POLA1: variants seen among roughly 807,000 people sequenced by gnomAD.
POLA1 encodes DNA polymerase alpha catalytic subunit.
A neutral mutation model predicts 124.0 loss-of-function variants in POLA1; 15 were observed. The ratio of observed to expected loss-of-function variants is 0.12; its 90% CI spans 0.08 to 0.19. POLA1 has a LOEUF of 0.19. Among genes scored for constraint, POLA1 ranks in the 10% least tolerant of loss-of-function variants. The probability of loss-of-function intolerance (pLI) is 1.00; values close to 1 mark genes in which losing one functional copy is unlikely to be tolerated. For synonymous variants in POLA1, 408 were observed against 389.4 expected, an observed-to-expected ratio of 1.05 and a Z score of -0.56; for missense variants, 886 against 1,103.4, an observed-to-expected ratio of 0.80 and a Z score of 2.79.
chrX:24,859,930 GAAATT>G (rs2046695327), intron 34 of POLA1, among the ~76,000 whole-genome samples: 1 of 112,678 alleles, frequency 8.9e-6, no homozygotes, highest in Admixed American at 9.3e-5. Context: ...GAATCTCTAA[GAAATT>G]AAACTTAGTC....
intron 35 of POLA1, among the ~76,000 whole-genome samples, chrX:24,906,685 T>C (rs1405619677): frequency 2.7e-5 from 3 of 111,388 alleles, no homozygotes; most frequent in African/African-American, 9.8e-5. Context: ...ATAATTTTTT[T>C]TTAACTCACA....
chrX:24,901,536 A>G (rs1041780686), intron 35 of POLA1, among the ~76,000 whole-genome samples: 3 of 111,643 alleles, frequency 2.7e-5, no homozygotes, highest in Non-Finnish European at 5.6e-5. Flanking sequence ...GCTTTAGTAT[A>G]TATGCTAGGG....
At chrX:24,890,422 A>T (rs2147143176) in intron 35 of POLA1, among the ~76,000 whole-genome samples, 1 of 111,281 alleles carries the variant, frequency 9.0e-6, no homozygotes, top group South Asian at 3.8e-4. Flanking sequence ...ATTTAACTAT[A>T]CCTTTCATTG....
At chrX:24,925,803 G>A (rs1009751446) in intron 35 of POLA1, among the ~76,000 whole-genome samples, 1 of 111,570 alleles carries the variant, frequency 9.0e-6, no homozygotes, top group Non-Finnish European at 1.9e-5. Flanking sequence ...CCAGGCTGGA[G>A]TGCAGTGGCA....
intron 34 of POLA1, among the ~76,000 whole-genome samples, chrX:24,887,735 A>G (rs943255350): frequency 9.1e-6 from 1 of 109,425 alleles, no homozygotes; most frequent in Non-Finnish European, 1.9e-5. Flanking sequence ...GTTTTGATGT[A>G]TTGGAGTGAG....
rs1282058905 is a variant in POLA1, at chrX:24,768,962, T to C, written c.2964+19970T>C. Among the ~76,000 whole-genome samples, 3 of 112,239 alleles carry C rather than the reference T, an allele frequency of 2.7e-5. No individual in the cohort carries two copies. In the Admixed American group the frequency reaches 2.8e-4, roughly 11 times the overall value. On this transcript the variant is annotated intron_variant, in intron 26 of 36. Transcript: ENST00000379068. The stretch of plus-strand genomic sequence containing the variant: ...TCTTTGGCCTCTTGTGTGTCCCTTT[T>C]ATGTGCTGAAGCCACCAAGTCATGC...
At chrX:24,801,633 G>A (rs1262792637) in intron 26 of POLA1, among the ~76,000 whole-genome samples, 7 of 111,021 alleles carry the variant, frequency 6.3e-5, no homozygotes, top group Admixed American at 2.9e-4. Context: ...AGTTCCTTGT[G>A]AAATAAGTAG....
intron 34 of POLA1, among the ~76,000 whole-genome samples, chrX:24,869,424 A>G (rs1162307383): frequency 8.9e-6 from 1 of 111,932 alleles, no homozygotes; most frequent in Non-Finnish European, 1.9e-5. Context: ...AGGTGAGAAG[A>G]GATCTTTGAG....
At chrX:24,768,068 C>T (rs752071315) in intron 26 of POLA1, among the ~76,000 whole-genome samples, 4 of 112,395 alleles carry the variant, frequency 3.6e-5, no homozygotes, top group Non-Finnish European at 7.5e-5. Flanking sequence ...TTTGCCTGTG[C>T]AACAGGCATT....
chrX:24,801,286 G>A (rs2045700521), intron 26 of POLA1, among the ~76,000 whole-genome samples: 1 of 112,237 alleles, frequency 8.9e-6, no homozygotes, highest in Admixed American at 9.4e-5. Context: ...GCTGCTTTTT[G>A]TAACCAACTT....
At position 24,977,284 on chromosome X, in the gene POLA1, C is replaced by G. The variant is rs899297401; in HGVS notation, c.4262-18521C>G. On this transcript the variant is annotated intron_variant, in intron 36 of 36. Transcript: ENST00000379068. Reference sequence around the variant, plus strand: ...TGTCTTAAAATGTCCTTAATTCACCCTCATACTTAATTGATAGTTAGATAC... The same window carrying G: ...TGTCTTAAAATGTCCTTAATTCACCGTCATACTTAATTGATAGTTAGATAC... 2.7e-5 allele frequency among the ~76,000 whole-genome samples: 3 copies of G among 112,314 alleles called. No homozygotes were observed. The East Asian group carries it at 8.3e-4, about 31-fold the overall frequency.
At chrX:24,728,031 G>A in intron 15 of POLA1, 95 bp downstream of exon 15, 1 of 650,460 alleles carries the variant, frequency 1.5e-6, no homozygotes, top group Non-Finnish European at 2.3e-6. Flanking sequence ...TGTTCTTTTT[G>A]GAGGGGAAAG....
intron 34 of POLA1, among the ~76,000 whole-genome samples, chrX:24,861,108 T>TTGTTGTATTTTTTTATTTTTGTTTTG (rs1263170119): frequency 8.9e-6 from 1 of 112,064 alleles, no homozygotes; most frequent in Non-Finnish European, 1.9e-5. Context: ...AGATACTCAG[T>TTGTTGTATTTTTTTATTTTTGTTTTG]TGTTGTATTT....
chrX:24,819,850 C>T (rs771844676), intron 30 of POLA1, among the ~76,000 whole-genome samples: 6 of 110,866 alleles, frequency 5.4e-5, no homozygotes, highest in Non-Finnish European at 3.8e-5. Context: ...TGTTCCCCTC[C>T]CTGTGTCCAT....
In POLA1 at chrX:24,714,612, A is replaced by G. The variant is rs1314569844; in HGVS notation, c.405A>G (p.Thr135=). The G allele has an allele frequency of 8.3e-7, 1 of 1,201,623 alleles. No homozygotes were observed. The highest frequency in any genetic ancestry group is 2.2e-5 in the Admixed American group (1 of 45,726). ...GGAATGTAAAGAAGCTCGCAGTGACAAAACCGAACAACATTAAGTCAATGT... is the reference window on the plus strand; with the variant it reads ...GGAATGTAAAGAAGCTCGCAGTGACGAAACCGAACAACATTAAGTCAATGT... ...DKRNVKKLAV[T]KPNNIKSMFI... is the part of the protein sequence containing the mutation. The change falls in exon 5 of 37, where the codon ACA becomes ACG. Residue 135 remains threonine (T), a synonymous_variant. Coordinates refer to ENST00000379068, the MANE Select transcript of POLA1 (RefSeq NM_001330360.2).
intron 26 of POLA1, among the ~76,000 whole-genome samples, chrX:24,769,514 C>G (rs2044981380): frequency 9.0e-6 from 1 of 111,403 alleles, no homozygotes; most frequent in African/African-American, 3.3e-5. Context: ...TGGTCATCTT[C>G]CATTTGGTCT....
In POLA1 at chrX:24,724,495, T is replaced by C. The variant is rs201745936; in HGVS notation, c.1317+44T>C. The C allele has an allele frequency of 1.9e-5, 12 of 625,155 alleles. No homozygotes were observed. In the East Asian group the frequency reaches 4.1e-4, roughly 21 times the overall value. 51.5% of individuals were successfully genotyped at this position (625,155 alleles called of 1,213,427 possible). A position where few individuals can be genotyped will look rare whatever the true frequency, so the allele number is the denominator to read the frequency against. ...TTTTTTTCCAGCTCTGTTTGTTGTTTATTTTCTGATTTAGCAAATAGTTAT... is the reference window on the plus strand; with the variant it reads ...TTTTTTTCCAGCTCTGTTTGTTGTTCATTTTCTGATTTAGCAAATAGTTAT... On this transcript the variant is annotated intron_variant, in intron 12 of 36. Transcript: ENST00000379068.
At chrX:24,920,187 A>C (rs1475992658) in intron 35 of POLA1, among the ~76,000 whole-genome samples, 1 of 110,941 alleles carries the variant, frequency 9.0e-6, no homozygotes, top group Non-Finnish European at 1.9e-5. Flanking sequence ...TTTTTAATCA[A>C]AGGTGCAATT....
intron 36 of POLA1, among the ~76,000 whole-genome samples, chrX:24,967,223 T>G (rs2048233381): frequency 2.0e-3 from 1 of 490 alleles, no homozygotes; most frequent in African/African-American, 0.011. Context: ...TTTTAACTGT[T>G]TTTTTTTTTT....
Sources: gnomAD v4.1 joint callset for allele counts (sites outside exome capture counted in the v4.1 genomes callset) on GRCh38, gnomAD v4.1.1 for gene constraint, MANE v1.5 for transcripts, NCBI Gene and HGNC (gene_info 2026-07-23, HGNC 2026-07-21) for gene names.